GBE1: variants seen among roughly 807,000 people sequenced by gnomAD.
GBE1 encodes 1,4-alpha-glucan-branching enzyme.
A neutral mutation model predicts 88.8 loss-of-function variants in GBE1; 70 were observed. The observed-to-expected ratio is 0.79, with a 90% CI of 0.65 to 0.96. GBE1 has a LOEUF of 0.96. GBE1 is among the 40% of genes least tolerant of loss of function. The pLI, the probability that GBE1 is intolerant of heterozygous loss-of-function variation, is 0.00. For missense variants in GBE1, 872 were observed against 871.0 expected (o/e 1.00, Z -0.01); for synonymous variants, 284 against 300.1 (o/e 0.95, Z 0.56).
intron 1 of GBE1, among the ~76,000 whole-genome samples, chr3:81,711,727 T>C (rs1404705928): frequency 6.6e-6 from 1 of 152,166 alleles, no homozygotes; most frequent in Non-Finnish European, 1.5e-5. Context: ...GGCAATACCA[T>C]TCAGGACATA....
intron 3 of GBE1, among the ~76,000 whole-genome samples, chr3:81,665,099 T>C (rs1445044612): frequency 3.9e-5 from 6 of 152,188 alleles, no homozygotes; most frequent in Admixed American, 1.3e-4. Context: ...ACACATATAT[T>C]CACATATATT....
chr3:81,708,563 C>T (rs981459062), intron 1 of GBE1, among the ~76,000 whole-genome samples: 31 of 152,060 alleles, frequency 2.0e-4, no homozygotes, highest in Admixed American at 6.6e-5. Flanking sequence ...TTTTTAAATG[C>T]TCTTGGTTGA....
intron 2 of GBE1, among the ~76,000 whole-genome samples, chr3:81,690,299 G>A (rs1435945353): frequency 1.3e-5 from 2 of 152,110 alleles, no homozygotes; most frequent in Admixed American, 6.5e-5. Context: ...TGCATACTTC[G>A]TCTCTAAATT....
intron 1 of GBE1, among the ~76,000 whole-genome samples, chr3:81,742,393 A>G (rs1173986654): frequency 6.6e-6 from 1 of 152,142 alleles, no homozygotes; most frequent in African/African-American, 2.4e-5. Context: ...AATTCTATTC[A>G]TTAAAAAAGG....
chr3:81,533,418 A>G (rs1210759223), intron 14 of GBE1, among the ~76,000 whole-genome samples: 3 of 152,120 alleles, frequency 2.0e-5, no homozygotes, highest in African/African-American at 7.2e-5. Flanking sequence ...TTGTGCTATC[A>G]GTCACAACTA....
At chr3:81,748,298 T>C (rs1706445967) in intron 1 of GBE1, among the ~76,000 whole-genome samples, 1 of 152,340 alleles carries the variant, frequency 6.6e-6, no homozygotes, top group East Asian at 1.9e-4. Context: ...CATAGCACTA[T>C]ATACCTATTA....
intron 1 of GBE1, among the ~76,000 whole-genome samples, chr3:81,728,302 A>G (rs182970166): frequency 6.6e-6 from 1 of 152,202 alleles, no homozygotes; most frequent in African/African-American, 2.4e-5. Flanking sequence ...ACAAAAACTT[A>G]GTAATTTCTG....
rs544836870 is a variant in GBE1 at position 81,677,427 on chromosome 3, T to G, written c.314-6474A>C. ...GTTAAATATCTGGAATATCACCACTTTGGAGCAAGGAAACATCCTTCCTCA... is the reference window on the plus strand; with the variant it reads ...GTTAAATATCTGGAATATCACCACTGTGGAGCAAGGAAACATCCTTCCTCA... On this transcript the variant is annotated intron_variant, in intron 2 of 15. Coordinates refer to ENST00000429644, the MANE Select transcript of GBE1 (RefSeq NM_000158.4). Among the ~76,000 whole-genome samples the G allele has an allele frequency of 1.8e-4, 27 of 152,326 alleles. No individual in the cohort carries two copies. The East Asian group carries it at 2.9e-3, about 16-fold the overall frequency.
intron 7 of GBE1, among the ~76,000 whole-genome samples, chr3:81,605,313 C>A (rs1559660146): frequency 1.3e-5 from 2 of 152,094 alleles, no homozygotes; most frequent in African/African-American, 4.8e-5. Flanking sequence ...AAAACTTTTA[C>A]ATATATATAA....
intron 2 of GBE1, among the ~76,000 whole-genome samples, chr3:81,699,805 C>T (rs1054202048): frequency 3.9e-5 from 6 of 152,222 alleles, no homozygotes; most frequent in African/African-American, 1.4e-4. Context: ...CACACAGACA[C>T]ACCCAGGATT....
intron 14 of GBE1, among the ~76,000 whole-genome samples, chr3:81,502,683 C>G (rs929220535): frequency 1.3e-5 from 2 of 152,162 alleles, no homozygotes; most frequent in Non-Finnish European, 2.9e-5. Flanking sequence ...GTTATTTGAG[C>G]AACTGATTTG....
At chr3:81,503,880 C>T (rs910633210) in intron 14 of GBE1, among the ~76,000 whole-genome samples, 6 of 152,156 alleles carry the variant, frequency 3.9e-5, no homozygotes, top group Non-Finnish European at 8.8e-5. Context: ...TTTTGGCTCA[C>T]AGTTCTGCAG....
chr3:81,564,857 CTA>C (rs1246861603), intron 12 of GBE1, among the ~76,000 whole-genome samples: 1 of 152,128 alleles, frequency 6.6e-6, no homozygotes, highest in Non-Finnish European at 1.5e-5. Flanking sequence ...CAGTGGATCT[CTA>C]TGTTATACTT....
At chr3:81,503,326 G>A (rs553221779) in intron 14 of GBE1, among the ~76,000 whole-genome samples, 3 of 152,138 alleles carry the variant, frequency 2.0e-5, no homozygotes, top group South Asian at 4.2e-4. Flanking sequence ...TATGAGGGAC[G>A]AGCCATATAT....
At position 81,702,098 on chromosome 3, in the gene GBE1, AGAGAGTGTGTGTGTGTGTGTGT is replaced by A. The variant is rs1197002491; in HGVS notation, c.313+3324_313+3345del. Among the ~76,000 whole-genome samples, 11 of 40,786 alleles carry A rather than the reference AGAGAGTGTGTGTGTGTGTGTGT, an allele frequency of 2.7e-4. No homozygotes were observed. In the South Asian group the frequency reaches 6.6e-3, roughly 25 times the overall value. 26.8% of individuals were successfully genotyped at this position (40,786 alleles called of 152,430 possible). On this transcript the variant is annotated intron_variant, in intron 2 of 15. Transcript: ENST00000429644. ...AGAATCCCTGGAGAGAGAGAGAGAG[AGAGAGTGTGTGTGTGTGTGTGT>A]GTGTGTGTGTGTGTGTGTGTGTGTG... is the stretch of plus-strand genomic sequence containing the variant.
chr3:81,739,332 T>G (rs756906913), intron 1 of GBE1, among the ~76,000 whole-genome samples: 3 of 152,276 alleles, frequency 2.0e-5, no homozygotes, highest in South Asian at 4.1e-4. Flanking sequence ...ATTTTATATA[T>G]GTAAAGCAAA....
intron 14 of GBE1, among the ~76,000 whole-genome samples, chr3:81,518,342 C>T (rs758370610): frequency 2.2e-4 from 32 of 146,668 alleles, no homozygotes; most frequent in Non-Finnish European, 1.4e-4. Flanking sequence ...TTCAAAACAA[C>T]AGGCCCCTGG....
chr3:81,682,208 A>C (rs1705355903), intron 2 of GBE1, among the ~76,000 whole-genome samples: 1 of 152,202 alleles, frequency 6.6e-6, no homozygotes, highest in South Asian at 2.1e-4. Flanking sequence ...CACATCTATA[A>C]TCCCAACACT....
intron 6 of GBE1, among the ~76,000 whole-genome samples, chr3:81,643,197 GGT>G (rs1245726313): frequency 2.0e-5 from 3 of 151,832 alleles, no homozygotes; most frequent in Non-Finnish European, 2.9e-5. Flanking sequence ...ATTTAAATCG[GGT>G]TATTAAATGT....
Sources: gnomAD v4.1 joint callset for allele counts (sites outside exome capture counted in the v4.1 genomes callset) on GRCh38, gnomAD v4.1.1 for gene constraint, MANE v1.5 for transcripts, NCBI Gene and HGNC (gene_info 2026-07-23, HGNC 2026-07-21) for gene names.